Variants in MDFIC2 observed in about 807,000 individuals in gnomAD.
The protein encoded by MDFIC2 is MyoD family inhibitor domain containing 2, also known as myoD family inhibitor domain-containing protein 2.
chr3:70,204,092 G>A (rs1701268001), intron 3 of MDFIC2, among the ~76,000 whole-genome samples: 1 of 152,156 alleles, frequency 6.6e-6, no homozygotes, highest in Non-Finnish European at 1.5e-5. Context: ...AAATCTGCAT[G>A]TGTGAGGCTT....
At chr3:70,232,161 T>C (rs1246211199) in intron 2 of MDFIC2, among the ~76,000 whole-genome samples, 5 of 152,172 alleles carry the variant, frequency 3.3e-5, no homozygotes, top group Admixed American at 3.3e-4. Context: ...AACCGTACAC[T>C]CGACACACTT....
chr3:70,244,322 G>A (rs1274210465), intron 2 of MDFIC2, among the ~76,000 whole-genome samples: 1 of 152,088 alleles, frequency 6.6e-6, no homozygotes, highest in Non-Finnish European at 1.5e-5. Flanking sequence ...ACTTTTTCAT[G>A]TTTAACATTT....
intron 2 of MDFIC2, among the ~76,000 whole-genome samples, chr3:70,306,035 C>A (rs944305957): frequency 6.6e-6 from 1 of 152,102 alleles, no homozygotes; most frequent in African/African-American, 2.4e-5. Flanking sequence ...GATGATGTAA[C>A]TTTTCTATGT....
At chr3:70,255,448 G>C (rs1456504260) in intron 2 of MDFIC2, among the ~76,000 whole-genome samples, 1 of 152,040 alleles carries the variant, frequency 6.6e-6, no homozygotes, top group Admixed American at 6.6e-5. Context: ...CTTTATTTTA[G>C]AGACAGAATC....
intron 2 of MDFIC2, among the ~76,000 whole-genome samples, chr3:70,259,766 G>C (rs144868404): frequency 6.6e-6 from 1 of 152,268 alleles, no homozygotes; most frequent in East Asian, 1.9e-4. Context: ...TTTCATACCG[G>C]TATAAAAACT....
intron 2 of MDFIC2, among the ~76,000 whole-genome samples, chr3:70,279,159 G>T (rs569275864): frequency 1.3e-5 from 2 of 150,258 alleles, no homozygotes; most frequent in Non-Finnish European, 3.0e-5. Context: ...ACAACAATAA[G>T]TGCCATTCCA....
intron 2 of MDFIC2, among the ~76,000 whole-genome samples, chr3:70,208,754 G>T (rs898725550): frequency 3.3e-5 from 5 of 152,040 alleles, no homozygotes; most frequent in African/African-American, 1.2e-4. Context: ...ACTGGCACCA[G>T]AACTATCAGT....
In MDFIC2 at chr3:70,286,994, C is replaced by T. The variant is rs142195821; in HGVS notation, c.88+24892G>A. Among the ~76,000 whole-genome samples, 438 of 149,736 alleles carry T rather than the reference C, an allele frequency of 2.9e-3. 4 individuals are homozygous for T. Among genetic ancestry groups the T allele is most frequent in the African/African-American group, 9.4e-3 (379 of 40,178 alleles). ...GCGTTTTCTAGATATAAAATCATGT[C>T]GTCTGCAAACAGGGACAATTTGACT... is the stretch of plus-strand genomic sequence containing the variant. On this transcript the variant is annotated intron_variant, in intron 2 of 3. Transcript: ENST00000567252.
intron 2 of MDFIC2, among the ~76,000 whole-genome samples, chr3:70,275,981 T>C (rs532883667): frequency 1.5e-3 from 223 of 152,266 alleles, no homozygotes; most frequent in Admixed American, 2.0e-3. Flanking sequence ...GAATTACCCA[T>C]GATTTTATTC....
At chr3:70,244,722 A>T (rs943302452) in intron 2 of MDFIC2, among the ~76,000 whole-genome samples, 7 of 152,208 alleles carry the variant, frequency 4.6e-5, no homozygotes, top group Non-Finnish European at 1.0e-4. Context: ...AGGCTGAATC[A>T]TTATGCTCTT....
chr3:70,196,759 T>A lies in MDFIC2; in HGVS notation c.*167A>T. 2.5e-6 allele frequency: 1 copy of A among 392,562 alleles called. No individual in the cohort carries two copies. Among genetic ancestry groups the A allele is most frequent in the Non-Finnish European group, 4.5e-6 (1 of 222,838 alleles). The allele number at this position is 392,562 out of a possible 1,614,324, so 24.3% of individuals were successfully genotyped here. A position where few individuals can be genotyped will look rare whatever the true frequency, so the allele number is the denominator to read the frequency against. On this transcript the variant is annotated 3_prime_UTR_variant, in exon 4 of 4. Coordinates refer to ENST00000567252, the MANE Select transcript of MDFIC2 (RefSeq NM_001364677.1). ...GGTTGTGAAATTTGGAATAAGACCA[T>A]TGAGTTGATAATACTAGCTTTCCTA...
At chr3:70,273,144 AC>A (rs1701990212) in intron 2 of MDFIC2, among the ~76,000 whole-genome samples, 2 of 152,196 alleles carry the variant, frequency 1.3e-5, no homozygotes, top group South Asian at 4.1e-4. Flanking sequence ...AAAAGGACTG[AC>A]AAATCTAAGA....
At chr3:70,305,752 G>A (rs1226403276) in intron 2 of MDFIC2, among the ~76,000 whole-genome samples, 1 of 152,182 alleles carries the variant, frequency 6.6e-6, no homozygotes, top group African/African-American at 2.4e-5. Context: ...TAGAATTAAA[G>A]AAGGAAAGTC....
intron 3 of MDFIC2, among the ~76,000 whole-genome samples, chr3:70,197,501 A>G (rs1205180140): frequency 1.3e-5 from 2 of 152,150 alleles, no homozygotes; most frequent in African/African-American, 4.8e-5. Flanking sequence ...ACAATTAGCT[A>G]CCTCTCTGGA....
intron 2 of MDFIC2, among the ~76,000 whole-genome samples, chr3:70,310,177 G>A (rs1382214569): frequency 6.6e-6 from 1 of 151,964 alleles, no homozygotes; most frequent in Non-Finnish European, 1.5e-5. Context: ...AAAGAAGTTA[G>A]AGAATTTTCA....
chr3:70,228,643 T>C (rs2106742563), intron 2 of MDFIC2, among the ~76,000 whole-genome samples: 1 of 152,094 alleles, frequency 6.6e-6, no homozygotes, highest in African/African-American at 2.4e-5. Flanking sequence ...TTTTTTTTTT[T>C]TTTAGTGTGG....
chr3:70,204,222 G>T (rs1324459409), intron 3 of MDFIC2, among the ~76,000 whole-genome samples: 1 of 152,126 alleles, frequency 6.6e-6, no homozygotes, highest in Non-Finnish European at 1.5e-5. Context: ...ACATGAAAGT[G>T]GATGCAGTAT....
intron 2 of MDFIC2, among the ~76,000 whole-genome samples, chr3:70,248,139 C>T (rs1403406742): frequency 6.6e-6 from 1 of 152,048 alleles, no homozygotes; most frequent in African/African-American, 2.4e-5. Flanking sequence ...ATATTATTCT[C>T]TGTCCTGAAG....
At chr3:70,231,072 C>T (rs1278335675) in intron 2 of MDFIC2, among the ~76,000 whole-genome samples, 4 of 152,178 alleles carry the variant, frequency 2.6e-5, no homozygotes, top group African/African-American at 9.7e-5. Context: ...TTCTACCATT[C>T]CTGACATAAC....
Sources: allele counts gnomAD v4.1 joint callset (sites outside exome capture counted in the v4.1 genomes callset), GRCh38; gene constraint gnomAD v4.1.1; transcripts MANE v1.5; gene names NCBI Gene and HGNC (gene_info 2026-07-23, HGNC 2026-07-21).